GABRA2: variants seen among roughly 807,000 people sequenced by gnomAD.
The protein encoded by GABRA2 is gamma-aminobutyric acid type A receptor subunit alpha2, also known as gamma-aminobutyric acid receptor subunit alpha-2.
A neutral mutation model predicts 48.7 loss-of-function variants in GABRA2; 16 were observed. That is an observed-to-expected ratio of 0.33 (90% CI 0.22 to 0.50). GABRA2 has a LOEUF of 0.50. Among genes scored for constraint, GABRA2 ranks in the 20% least tolerant of loss-of-function variants. GABRA2 has a pLI of 0.98. For synonymous variants in GABRA2, 185 were observed against 184.5 expected, an observed-to-expected ratio of 1.00 and a Z score of -0.02; for missense variants, 275 against 535.6, an observed-to-expected ratio of 0.51 and a Z score of 4.80.
At chr4:46,346,180 T>C (rs1332847410) in intron 3 of GABRA2, among the ~76,000 whole-genome samples, 5 of 151,960 alleles carry the variant, frequency 3.3e-5, no homozygotes, top group African/African-American at 1.2e-4. Context: ...CTTAAGTGAC[T>C]TCTGTGTATA....
intron 8 of GABRA2, among the ~76,000 whole-genome samples, chr4:46,273,486 T>TATGC (rs1286335498): frequency 3.3e-5 from 1 of 30,302 alleles, no homozygotes; most frequent in African/African-American, 1.4e-4. Context: ...TATATATGCA[T>TATGC]ATATATATAT....
chr4:46,323,404 C>G (rs948233468), intron 4 of GABRA2, among the ~76,000 whole-genome samples: 8 of 151,682 alleles, frequency 5.3e-5, no homozygotes, highest in Non-Finnish European at 1.2e-4. Flanking sequence ...TCTCAGATAT[C>G]TTTTTTTTCC....
intron 9 of GABRA2, chr4:46,256,205 T>C: frequency 1.5e-6 from 1 of 668,092 alleles, no homozygotes; most frequent in African/African-American, 1.8e-5. Flanking sequence ...AGAAGATTGT[T>C]TGAAGGTTAA....
chr4:46,255,130 G>GT (rs1427998242), intron 9 of GABRA2, among the ~76,000 whole-genome samples: 2 of 151,476 alleles, frequency 1.3e-5, no homozygotes, highest in Non-Finnish European at 3.0e-5. Flanking sequence ...TCACTTCATT[G>GT]TAAGCTCTTT....
chr4:46,321,830 G>A (rs954394462), intron 4 of GABRA2, among the ~76,000 whole-genome samples: 2 of 152,110 alleles, frequency 1.3e-5, no homozygotes, highest in Middle Eastern at 3.4e-3. Context: ...GGCCAGACAA[G>A]GTAGAGACAA....
chr4:46,317,168 C>T (rs1728688553), intron 4 of GABRA2, among the ~76,000 whole-genome samples: 1 of 151,748 alleles, frequency 6.6e-6, no homozygotes, highest in African/African-American at 2.4e-5. Flanking sequence ...AGTTTGAGGT[C>T]ATCTGAAATT....
intron 8 of GABRA2, among the ~76,000 whole-genome samples, chr4:46,280,951 T>C (rs1414490510): frequency 6.6e-6 from 1 of 152,182 alleles, no homozygotes; most frequent in Admixed American, 6.5e-5. Flanking sequence ...AAGACAGCCC[T>C]CACCAGAAAC....
At chr4:46,311,910 C>T (rs1053287016) in intron 5 of GABRA2, among the ~76,000 whole-genome samples, 2 of 152,100 alleles carry the variant, frequency 1.3e-5, no homozygotes, top group Non-Finnish European at 1.5e-5. Flanking sequence ...GCCAGCCTGG[C>T]CAACATGGCG....
chr4:46,330,014 A>G (rs764323980), intron 4 of GABRA2, among the ~76,000 whole-genome samples: 8 of 152,106 alleles, frequency 5.3e-5, no homozygotes, highest in Non-Finnish European at 1.2e-4. Context: ...CATTTTTGAG[A>G]ATATATCTAT....
intron 3 of GABRA2, among the ~76,000 whole-genome samples, chr4:46,370,368 A>G (rs1714697410): frequency 6.6e-6 from 1 of 152,086 alleles, no homozygotes. Context: ...ACCAAAGAAA[A>G]AAAACTGATA....
intron 4 of GABRA2, among the ~76,000 whole-genome samples, chr4:46,327,982 G>A (rs1040767835): frequency 6.6e-6 from 1 of 151,782 alleles, no homozygotes; most frequent in African/African-American, 2.4e-5. Flanking sequence ...TTAATAATAT[G>A]CACACACAGT....
At chr4:46,267,377 TC>T (rs1309155528) in intron 8 of GABRA2, among the ~76,000 whole-genome samples, 1 of 152,108 alleles carries the variant, frequency 6.6e-6, no homozygotes, top group East Asian at 1.9e-4. Flanking sequence ...TTTAGTTCTT[TC>T]GACAGGGTCT....
chr4:46,313,382 T>A lies in GABRA2; in HGVS notation c.256-666A>T, dbSNP rs1728008150. Among the ~76,000 whole-genome samples, 3 of 152,018 alleles carry A rather than the reference T, an allele frequency of 2.0e-5. No homozygotes were observed. In the South Asian group the frequency reaches 6.2e-4, roughly 31 times the overall value. Reference sequence around the variant, plus strand: ...AGACTGTCTTAGGAGATAATTTCAATAAAGTTTATTTATGACATTAGTTGT... The same window carrying A: ...AGACTGTCTTAGGAGATAATTTCAAAAAAGTTTATTTATGACATTAGTTGT... On this transcript the variant is annotated intron_variant, in intron 4 of 9. Transcript: ENST00000381620.
Position 46,249,043 on chromosome 4 carries a change from T to G in GABRA2, c.*1265A>C, listed in dbSNP as rs1206744571. ...TCTAATTTAGCTGTGTATGTGTGTG[T>G]GTGTGTGTGTGTGTGTGTATGTTTG... On this transcript the variant is annotated 3_prime_UTR_variant, in exon 10 of 10. Coordinates refer to ENST00000381620, the MANE Select transcript of GABRA2 (RefSeq NM_000807.4). 2 of 150,624 alleles carry G rather than the reference T, an allele frequency of 1.3e-5. 1 individual carries two copies. The highest frequency in any genetic ancestry group is 3.0e-5 in the Non-Finnish European group (2 of 67,218). The allele number at this position is 150,624 out of a possible 1,614,324, so 9.3% of individuals were successfully genotyped here. A position where few individuals can be genotyped will look rare whatever the true frequency, so the allele number is the denominator to read the frequency against.
intron 4 of GABRA2, among the ~76,000 whole-genome samples, chr4:46,331,863 A>G (rs1054463160): frequency 6.6e-6 from 1 of 151,984 alleles, no homozygotes; most frequent in Non-Finnish European, 1.5e-5. Context: ...TTCTGACCAC[A>G]GGCATGTGCT....
At chr4:46,389,142 C>T in intron 1 of GABRA2, 1 of 992,006 alleles carries the variant, frequency 1.0e-6, no homozygotes, top group Non-Finnish European at 1.2e-6. Flanking sequence ...GGGTACTTCA[C>T]GCCACAACCC....
At chr4:46,262,277 T>C in intron 8 of GABRA2, 149 bp from the exon 9 acceptor site, 4 of 570,734 alleles carry the variant, frequency 7.0e-6, no homozygotes, top group Non-Finnish European at 1.2e-5. Context: ...TACTGGAATT[T>C]ATATTAAAGT....
intron 8 of GABRA2, among the ~76,000 whole-genome samples, chr4:46,294,196 T>C (rs1464181781): frequency 6.6e-6 from 1 of 152,232 alleles, no homozygotes; most frequent in Non-Finnish European, 1.5e-5. Context: ...GATATCACAC[T>C]GGTCCATTAT....
chr4:46,324,829 T>C (rs1730065862), intron 4 of GABRA2, among the ~76,000 whole-genome samples: 2 of 152,004 alleles, frequency 1.3e-5, no homozygotes. Flanking sequence ...TTTGGTTTTC[T>C]GTTCCTGTAT....
Sources: gnomAD v4.1 joint callset for allele counts (sites outside exome capture counted in the v4.1 genomes callset) on GRCh38, gnomAD v4.1.1 for gene constraint, MANE v1.5 for transcripts, NCBI Gene and HGNC (gene_info 2026-07-23, HGNC 2026-07-21) for gene names.